Variants in KCNIP4 observed in about 807,000 individuals in gnomAD.
KCNIP4 encodes the protein potassium voltage-gated channel interacting protein 4.
In KCNIP4, 12 loss-of-function variants were observed where a neutral mutation model predicts 34.0. That is an observed-to-expected ratio of 0.35 (90% CI 0.23 to 0.57). The LOEUF (loss-of-function observed/expected upper bound fraction) is 0.57. Among genes scored for constraint, KCNIP4 ranks in the 20% least tolerant of loss-of-function variants. The probability of loss-of-function intolerance (pLI) is 0.83; values close to 1 mark genes in which losing one functional copy is unlikely to be tolerated. For missense variants in KCNIP4, 238 were observed against 311.7 expected, an observed-to-expected ratio of 0.76 and a Z score of 1.78; for synonymous variants, 124 against 102.2, an observed-to-expected ratio of 1.21 and a Z score of -1.29.
chr4:21,510,902 G>T lies in KCNIP4; in HGVS notation c.61+437669C>A, dbSNP rs1311809659. 3.9e-5 allele frequency among the ~76,000 whole-genome samples: 6 copies of T among 152,094 alleles called. 1 individual carries two copies. In the East Asian group the frequency reaches 1.2e-3, roughly 29 times the overall value. On this transcript the variant is annotated intron_variant, in intron 1 of 8. Coordinates refer to ENST00000382152, the MANE Select transcript of KCNIP4 (RefSeq NM_025221.6). The stretch of plus-strand genomic sequence containing the variant: ...AAAAATAAAAATAAAAAGTTAGCTG[G>T]GCATGGTGGTGGGCGCATGTAGTCC...
At position 21,576,142 on chromosome 4, in the gene KCNIP4, G is replaced by A. The variant is rs559248078; in HGVS notation, c.61+372429C>T. Among the ~76,000 whole-genome samples, 4 of 152,292 alleles carry A rather than the reference G, an allele frequency of 2.6e-5. No homozygotes were observed. The East Asian group carries it at 7.7e-4, about 29-fold the overall frequency. On this transcript the variant is annotated intron_variant, in intron 1 of 8. Transcript: ENST00000382152. ...GTAGAATGACAGACTGAGTCAATAA[G>A]TAAATGCTGCTACTCAACATTTGTT...
At chr4:21,440,472 C>T (rs1313720592) in intron 1 of KCNIP4, among the ~76,000 whole-genome samples, 1 of 152,046 alleles carries the variant, frequency 6.6e-6, no homozygotes, top group African/African-American at 2.4e-5. Flanking sequence ...TTTTATTTGC[C>T]CTATTCTCTA....
chr4:21,331,081 T>G (rs918270540), intron 1 of KCNIP4, among the ~76,000 whole-genome samples: 5 of 152,186 alleles, frequency 3.3e-5, no homozygotes, highest in African/African-American at 1.2e-4. Context: ...TAAGACACTG[T>G]GTCCTCTTCT....
intron 1 of KCNIP4, among the ~76,000 whole-genome samples, chr4:21,920,293 A>T (rs1368857323): frequency 2.0e-5 from 3 of 152,174 alleles, no homozygotes; most frequent in Non-Finnish European, 4.4e-5. Context: ...TTGAAAATAT[A>T]GTTTTAAAAA....
intron 3 of KCNIP4, among the ~76,000 whole-genome samples, chr4:20,764,719 C>T (rs1035819877): frequency 2.7e-5 from 4 of 148,396 alleles, no homozygotes; most frequent in Non-Finnish European, 5.9e-5. Context: ...ACCCCATGAA[C>T]AAACAGCAAT....
intron 1 of KCNIP4, among the ~76,000 whole-genome samples, chr4:20,894,295 A>G (rs772976012): frequency 6.6e-6 from 1 of 152,208 alleles, no homozygotes; most frequent in Non-Finnish European, 1.5e-5. Flanking sequence ...TGATGGCGAG[A>G]GAACACAAAT....
At chr4:21,223,706 C>A (rs1018624524) in intron 1 of KCNIP4, among the ~76,000 whole-genome samples, 2 of 152,176 alleles carry the variant, frequency 1.3e-5, no homozygotes, top group East Asian at 3.8e-4. Context: ...TTACTCCTTT[C>A]TAATTCTTTA....
At chr4:21,025,550 T>TTTTTTG (rs1740466783) in intron 1 of KCNIP4, among the ~76,000 whole-genome samples, 1 of 68,082 alleles carries the variant, frequency 1.5e-5, no homozygotes, top group Non-Finnish European at 2.9e-5. Context: ...ACTGTTTTTT[T>TTTTTTG]TTTTTTTTTT....
At chr4:21,844,882 A>G (rs1381342217) in intron 1 of KCNIP4, 1 of 151,864 alleles carries the variant, frequency 6.6e-6, no homozygotes, top group African/African-American at 2.4e-5. Flanking sequence ...TTATTTCTGT[A>G]ATTTTTCCAT....
intron 1 of KCNIP4, among the ~76,000 whole-genome samples, chr4:21,554,815 G>A (rs1233775949): frequency 6.6e-6 from 1 of 152,038 alleles, no homozygotes; most frequent in East Asian, 1.9e-4. Context: ...TGACTGTACA[G>A]TTCTTTATGG....
chr4:21,756,229 C>T (rs185529630), intron 1 of KCNIP4, among the ~76,000 whole-genome samples: 6 of 152,136 alleles, frequency 3.9e-5, no homozygotes, highest in Non-Finnish European at 8.8e-5. Flanking sequence ...TGTTTGTTTA[C>T]GTGCTGGTTT....
At chr4:21,757,227 GAA>G in intron 1 of KCNIP4, among the ~76,000 whole-genome samples, 1 of 23,300 alleles carries the variant, frequency 4.3e-5, no homozygotes, top group South Asian at 1.0e-3. Flanking sequence ...AAGAAAGAAA[GAA>G]AGAAAGAAAG....
At chr4:21,327,563 T>C (rs1396286491) in intron 1 of KCNIP4, among the ~76,000 whole-genome samples, 1 of 152,146 alleles carries the variant, frequency 6.6e-6, no homozygotes, top group African/African-American at 2.4e-5. Context: ...TCTATAAGCT[T>C]CTTGTACTTG....
At chr4:21,265,166 C>T (rs1191702908) in intron 1 of KCNIP4, among the ~76,000 whole-genome samples, 2 of 151,700 alleles carry the variant, frequency 1.3e-5, no homozygotes, top group African/African-American at 2.4e-5. Context: ...GTTTGGAATT[C>T]ACCAATGAAA....
intron 1 of KCNIP4, among the ~76,000 whole-genome samples, chr4:20,994,392 T>C (rs1245865440): frequency 6.6e-6 from 1 of 152,226 alleles, no homozygotes; most frequent in Non-Finnish European, 1.5e-5. Flanking sequence ...TGTGTTTTAT[T>C]TTTAACATAC....
chr4:21,491,973 C>T (rs1732436160), intron 1 of KCNIP4, among the ~76,000 whole-genome samples: 1 of 152,114 alleles, frequency 6.6e-6, no homozygotes, highest in Non-Finnish European at 1.5e-5. Context: ...TTCATGTTTT[C>T]CAATTCCCTG....
intron 1 of KCNIP4, among the ~76,000 whole-genome samples, chr4:21,076,861 G>T (rs1745534156): frequency 6.6e-6 from 1 of 152,126 alleles, no homozygotes; most frequent in Non-Finnish European, 1.5e-5. Context: ...AGTGGCTAGT[G>T]CTTGTAATCC....
At chr4:21,193,412 A>C (rs1435110995) in intron 1 of KCNIP4, among the ~76,000 whole-genome samples, 1 of 152,116 alleles carries the variant, frequency 6.6e-6, no homozygotes, top group African/African-American at 2.4e-5. Context: ...GTGTTTAAAT[A>C]GGGTCCTGCT....
At chr4:21,250,448 A>G (rs1274090120) in intron 1 of KCNIP4, among the ~76,000 whole-genome samples, 1 of 152,150 alleles carries the variant, frequency 6.6e-6, no homozygotes, top group East Asian at 1.9e-4. Context: ...AGTGGGAGTC[A>G]CTAAAAAATC....
Sources: gnomAD v4.1 joint callset for allele counts (sites outside exome capture counted in the v4.1 genomes callset) on GRCh38, gnomAD v4.1.1 for gene constraint, MANE v1.5 for transcripts, NCBI Gene and HGNC (gene_info 2026-07-23, HGNC 2026-07-21) for gene names.